The following GALNT17 variants were observed in gnomAD, a reference collection of about 807,000 sequenced individuals.
The protein encoded by GALNT17 is UDP-GalNAc:polypeptide N-acetylgalactosaminyltransferase-like 3.
Under a neutral mutation model 63.7 loss-of-function variants are expected in GALNT17, and 29 were observed. The ratio of observed to expected loss-of-function variants is 0.46; its 90% CI spans 0.34 to 0.62. The LOEUF (loss-of-function observed/expected upper bound fraction) is 0.62, where lower values mean the gene tolerates loss of function less well. Among genes scored for constraint, GALNT17 ranks in the 20% least tolerant of loss-of-function variants. The pLI is 0.01. For missense variants in GALNT17, 603 were observed against 799.6 expected, an observed-to-expected ratio of 0.75 and a Z score of 2.97; for synonymous variants, 305 against 318.3, an observed-to-expected ratio of 0.96 and a Z score of 0.45.
In GALNT17 at chr7:71,575,901, GA is replaced by G. The variant is rs1390449112; in HGVS notation, c.1080+4503del. Among the ~76,000 whole-genome samples the G allele has an allele frequency of 2.0e-5, 3 of 152,160 alleles. No individual in the cohort carries two copies. In the East Asian group the frequency reaches 5.8e-4, roughly 29 times the overall value. On this transcript the variant is annotated intron_variant, in intron 6 of 10. Coordinates refer to ENST00000333538, the MANE Select transcript of GALNT17 (RefSeq NM_022479.3). ...GCCTGTGACTAAAACAATCAATACA[GA>G]AAAGAAGTTTTTAAAAAAGCCAGAA...
chr7:71,626,103 G>T (rs1252446962), intron 6 of GALNT17, among the ~76,000 whole-genome samples: 1 of 152,068 alleles, frequency 6.6e-6, no homozygotes, highest in African/African-American at 2.4e-5. Flanking sequence ...AATTAGCCGG[G>T]TGTGGTGGCA....
intron 1 of GALNT17, among the ~76,000 whole-genome samples, chr7:71,258,559 C>A (rs1360579504): frequency 6.6e-6 from 1 of 152,168 alleles, no homozygotes; most frequent in African/African-American, 2.4e-5. Flanking sequence ...TGCTGATAGA[C>A]ACATGTATAG....
chr7:71,435,047 A>ACT (rs1786934093), intron 5 of GALNT17, among the ~76,000 whole-genome samples: 1 of 152,174 alleles, frequency 6.6e-6, no homozygotes, highest in Admixed American at 6.5e-5. Flanking sequence ...AGGAATATGG[A>ACT]CAGATGCAGT....
chr7:71,471,645 A>T (rs1003951468), intron 5 of GALNT17, among the ~76,000 whole-genome samples: 4 of 152,046 alleles, frequency 2.6e-5, no homozygotes, highest in Non-Finnish European at 4.4e-5. Flanking sequence ...TTTTATGCTA[A>T]GCAGGTTATC....
rs553715904 is a variant in GALNT17, at chr7:71,257,601, T to A, written c.239-77949T>A. Among the ~76,000 whole-genome samples, 27 of 152,338 alleles carry A rather than the reference T, an allele frequency of 1.8e-4. No homozygotes were observed. In the South Asian group the frequency reaches 2.9e-3, roughly 16 times the overall value. On this transcript the variant is annotated intron_variant, in intron 1 of 10. Coordinates refer to ENST00000333538, the MANE Select transcript of GALNT17 (RefSeq NM_022479.3). ...CCTTCTCCACTATTATTTATGGTTT[T>A]AGTGTGACGCTGAACCTCGCCTTCA...
At chr7:71,546,018 G>A (rs1788977593) in intron 5 of GALNT17, among the ~76,000 whole-genome samples, 1 of 152,084 alleles carries the variant, frequency 6.6e-6, no homozygotes, top group Non-Finnish European at 1.5e-5. Context: ...CCAGTACTTT[G>A]GGAGGCCAAG....
At chr7:71,320,159 A>G (rs1415532682) in intron 1 of GALNT17, among the ~76,000 whole-genome samples, 2 of 152,144 alleles carry the variant, frequency 1.3e-5, no homozygotes. Context: ...CTTCACATGC[A>G]TACTCTTCCC....
chr7:71,273,831 A>G (rs1451234347), intron 1 of GALNT17, among the ~76,000 whole-genome samples: 3 of 149,566 alleles, frequency 2.0e-5, no homozygotes, highest in Non-Finnish European at 4.4e-5. Context: ...TTTTTCTCTA[A>G]TGAGATAATG....
At chr7:71,593,517 G>T (rs1165429472) in intron 6 of GALNT17, among the ~76,000 whole-genome samples, 1 of 152,042 alleles carries the variant, frequency 6.6e-6, no homozygotes. Flanking sequence ...GCCCATCTTG[G>T]CCTCCCAAAG....
intron 1 of GALNT17, among the ~76,000 whole-genome samples, chr7:71,243,187 C>T (rs1790031204): frequency 6.6e-6 from 1 of 152,128 alleles, no homozygotes; most frequent in Admixed American, 6.6e-5. Flanking sequence ...CTTTCTTGTC[C>T]TCTCTTGCTG....
intron 1 of GALNT17, among the ~76,000 whole-genome samples, chr7:71,202,126 G>GT (rs1789186169): frequency 6.6e-6 from 1 of 151,538 alleles, no homozygotes; most frequent in African/African-American, 2.4e-5. Context: ...TTTTTCTCTC[G>GT]TTTTTTTCTG....
intron 9 of GALNT17, among the ~76,000 whole-genome samples, chr7:71,700,342 C>T (rs1224832224): frequency 1.3e-5 from 2 of 151,778 alleles, no homozygotes; most frequent in African/African-American, 4.8e-5. Context: ...AACTACTTAA[C>T]TTGTATGCAT....
intron 1 of GALNT17, among the ~76,000 whole-genome samples, chr7:71,321,866 CTT>C (rs1381692525): frequency 1.4e-5 from 1 of 73,278 alleles, no homozygotes; most frequent in Non-Finnish European, 2.7e-5. Flanking sequence ...TCCTTCCTTC[CTT>C]TCCTTCCTTC....
At chr7:71,511,422 G>A (rs1788353730) in intron 5 of GALNT17, among the ~76,000 whole-genome samples, 1 of 152,166 alleles carries the variant, frequency 6.6e-6, no homozygotes, top group East Asian at 1.9e-4. Context: ...TATTGCAACA[G>A]CAATGGGAAG....
rs1483208921 is a variant in GALNT17, at chr7:71,460,505, T to A, written c.962+39400T>A. On this transcript the variant is annotated intron_variant, in intron 5 of 10. Coordinates refer to ENST00000333538, the MANE Select transcript of GALNT17 (RefSeq NM_022479.3). Reference sequence around the variant, plus strand: ...TAGATCTCACACCATATAATGGAGTTTGAGACCAAAATATAAGAAGTAGTA... The same window carrying A: ...TAGATCTCACACCATATAATGGAGTATGAGACCAAAATATAAGAAGTAGTA... 2.0e-5 allele frequency among the ~76,000 whole-genome samples: 3 copies of A among 152,158 alleles called. No individual in the cohort carries two copies. The East Asian group carries it at 5.8e-4, about 29-fold the overall frequency.
chr7:71,417,920 C>CT (rs1258748078), intron 4 of GALNT17, among the ~76,000 whole-genome samples: 2 of 152,178 alleles, frequency 1.3e-5, no homozygotes, highest in Admixed American at 1.3e-4. Flanking sequence ...CTCTTTCTCT[C>CT]TATCTTGACC....
chr7:71,214,564 T>C lies in GALNT17; in HGVS notation c.238+81524T>C, dbSNP rs149578955. ...TTCCTCCCAGGGCACATTTTTCTGTTACTTCTTGATTTGGCTTTTTTTTTT... is the reference window on the plus strand; with the variant it reads ...TTCCTCCCAGGGCACATTTTTCTGTCACTTCTTGATTTGGCTTTTTTTTTT... On this transcript the variant is annotated intron_variant, in intron 1 of 10. Transcript: ENST00000333538. Among the ~76,000 whole-genome samples the C allele has an allele frequency of 3.1e-4, 46 of 150,492 alleles. No homozygotes were observed. In the East Asian group the frequency reaches 8.6e-3, roughly 28 times the overall value.
chr7:71,683,142 C>T (rs1031026966), intron 9 of GALNT17, among the ~76,000 whole-genome samples: 9 of 152,166 alleles, frequency 5.9e-5, no homozygotes, highest in Non-Finnish European at 1.2e-4. Context: ...ATGGCTCCCC[C>T]GGCTCTGGGA....
At chr7:71,692,230 T>C (rs1279227293) in intron 9 of GALNT17, among the ~76,000 whole-genome samples, 1 of 152,146 alleles carries the variant, frequency 6.6e-6, no homozygotes, top group Non-Finnish European at 1.5e-5. Flanking sequence ...TGGCCCTTCT[T>C]TTTTACTGAA....
Sources: allele counts gnomAD v4.1 joint callset (sites outside exome capture counted in the v4.1 genomes callset), GRCh38; gene constraint gnomAD v4.1.1; transcripts MANE v1.5; gene names NCBI Gene and HGNC (gene_info 2026-07-23, HGNC 2026-07-21).